The following CDK8 variants were observed in gnomAD, a reference collection of about 807,000 sequenced individuals.
CDK8 encodes the protein cyclin-dependent kinase 8.
A neutral mutation model predicts 71.5 loss-of-function variants in CDK8; 29 were observed. The ratio of observed to expected loss-of-function variants is 0.41; its 90% confidence interval spans 0.30 to 0.55. CDK8 has a LOEUF of 0.55. Among genes scored for constraint, CDK8 ranks in the 20% least tolerant of loss-of-function variants. The pLI is 0.37. For missense variants in CDK8, 288 were observed against 572.6 expected (o/e 0.50, Z 5.07); for synonymous variants, 161 against 192.1 (o/e 0.84, Z 1.34).
chr13:26,282,902 A>T (rs543824801), intron 1 of CDK8, among the ~76,000 whole-genome samples: 1 of 152,328 alleles, frequency 6.6e-6, no homozygotes, highest in Admixed American at 6.5e-5. Flanking sequence ...GCCAAAAGCA[A>T]GCAGGAATAG....
chr13:26,366,662 C>T (rs1874403139), intron 4 of CDK8, among the ~76,000 whole-genome samples: 1 of 152,022 alleles, frequency 6.6e-6, no homozygotes, highest in African/African-American at 2.4e-5. Flanking sequence ...CTCTCTGTTC[C>T]CAAATAGATG....
intron 4 of CDK8, among the ~76,000 whole-genome samples, chr13:26,355,721 G>C (rs1271876029): frequency 2.0e-5 from 3 of 152,164 alleles, no homozygotes; most frequent in African/African-American, 7.2e-5. Context: ...GTGGAGTCAA[G>C]TTAGGGAAAA....
intron 2 of CDK8, among the ~76,000 whole-genome samples, chr13:26,344,423 T>G (rs796297309): frequency 2.0e-4 from 31 of 152,292 alleles, no homozygotes; most frequent in African/African-American, 7.5e-4. Flanking sequence ...GTCAGGATCA[T>G]GAATATCATT....
intron 2 of CDK8, among the ~76,000 whole-genome samples, chr13:26,344,673 A>G (rs1289313500): frequency 6.6e-6 from 1 of 152,032 alleles, no homozygotes; most frequent in Non-Finnish European, 1.5e-5. Context: ...AATTGCTTGA[A>G]TCTGGGAGAT....
chr13:26,391,440 C>T (rs1231737976), intron 6 of CDK8, among the ~76,000 whole-genome samples: 1 of 152,210 alleles, frequency 6.6e-6, no homozygotes, highest in Non-Finnish European at 1.5e-5. Context: ...AGCTAAACTA[C>T]TTACCTTTCA....
Position 26,254,500 on chromosome 13 carries a change from G to A in CDK8, c.-142G>A. On this transcript the variant is annotated 5_prime_UTR_variant, in exon 1 of 13. Transcript: ENST00000381527. The surrounding 1 kb of genome is among the most constrained non-coding windows in gnomAD (Gnocchi z 6.7). Reference sequence around the variant, plus strand: ...TTTCGCGGGGCCTCCTCCTGCTCTTGCCGCATCAGTCGGGCTGGTGCTGCG... The same window carrying A: ...TTTCGCGGGGCCTCCTCCTGCTCTTACCGCATCAGTCGGGCTGGTGCTGCG... 1.6e-6 allele frequency: 1 copy of A among 641,798 alleles called. No homozygotes were observed. The highest frequency in any genetic ancestry group is 2.0e-5 in the South Asian group (1 of 50,532). The allele number at this position is 641,798 out of a possible 1,614,324, so 39.8% of individuals were successfully genotyped here.
At chr13:26,319,560 G>A (rs561818973) in intron 1 of CDK8, among the ~76,000 whole-genome samples, 2 of 152,080 alleles carry the variant, frequency 1.3e-5, no homozygotes, top group South Asian at 4.2e-4. Context: ...GAAAGAAACT[G>A]AAGACATAAG....
intron 1 of CDK8, among the ~76,000 whole-genome samples, chr13:26,281,839 T>G (rs1416119570): frequency 6.6e-6 from 1 of 151,982 alleles, no homozygotes. Flanking sequence ...AAATAAATAT[T>G]GTATTCCAGA....
intron 4 of CDK8, among the ~76,000 whole-genome samples, chr13:26,370,177 AAC>A (rs1874599119): frequency 6.6e-6 from 1 of 152,244 alleles, no homozygotes; most frequent in Admixed American, 6.5e-5. Context: ...AAGAAAGCAT[AAC>A]ACTGACATAG....
intron 1 of CDK8, among the ~76,000 whole-genome samples, chr13:26,288,094 C>T (rs1873109700): frequency 6.6e-6 from 1 of 152,096 alleles, no homozygotes; most frequent in East Asian, 1.9e-4. Flanking sequence ...TCCCGAGTAG[C>T]TGGGACTATA....
intron 3 of CDK8, among the ~76,000 whole-genome samples, chr13:26,349,429 A>G (rs1873596272): frequency 6.6e-6 from 1 of 152,242 alleles, no homozygotes. Flanking sequence ...TTCAACAACT[A>G]TTCAATATTG....
chr13:26,268,307 A>ACACACACACG (rs1872133809), intron 1 of CDK8, among the ~76,000 whole-genome samples: 1 of 97,848 alleles, frequency 1.0e-5, no homozygotes, highest in African/African-American at 3.3e-5. Flanking sequence ...ACACACACAC[A>ACACACACACG]CAGTCCTGTG....
intron 1 of CDK8, among the ~76,000 whole-genome samples, chr13:26,315,850 G>A (rs1874485530): frequency 6.6e-6 from 1 of 152,176 alleles, no homozygotes; most frequent in Admixed American, 6.5e-5. Context: ...GAAGCACCAG[G>A]AACTTGTCTC....
intron 1 of CDK8, among the ~76,000 whole-genome samples, chr13:26,321,763 A>G (rs925729977): frequency 5.3e-5 from 8 of 151,988 alleles, no homozygotes; most frequent in Non-Finnish European, 1.0e-4. Context: ...ATACATGTAT[A>G]TCTTTATGTA....
chr13:26,309,674 C>T (rs1040534121), intron 1 of CDK8, among the ~76,000 whole-genome samples: 4 of 152,080 alleles, frequency 2.6e-5, no homozygotes, highest in Admixed American at 2.6e-4. Flanking sequence ...ATTCTAGGCT[C>T]GAGATACCCT....
chr13:26,355,670 T>C (rs576782027), intron 4 of CDK8, among the ~76,000 whole-genome samples: 1 of 152,206 alleles, frequency 6.6e-6, no homozygotes, highest in East Asian at 1.9e-4. Flanking sequence ...GACAAATCCT[T>C]TGGCATTTTG....
intron 1 of CDK8, among the ~76,000 whole-genome samples, chr13:26,262,152 A>T (rs1285046679): frequency 6.6e-6 from 1 of 152,234 alleles, no homozygotes; most frequent in Non-Finnish European, 1.5e-5. Context: ...CTAACTACGT[A>T]TCTTAACATA....
chr13:26,312,185 C>T (rs1246868083), intron 1 of CDK8, among the ~76,000 whole-genome samples: 1 of 152,160 alleles, frequency 6.6e-6, no homozygotes, highest in East Asian at 1.9e-4. Flanking sequence ...CGCTCTGTGT[C>T]TAGCTAAAGG....
At position 26,343,991 on chromosome 13, in the gene CDK8, A is replaced by G. The variant is rs148832823; in HGVS notation, c.205-5081A>G. On this transcript the variant is annotated intron_variant, in intron 2 of 12. Transcript: ENST00000381527. Reference sequence around the variant, plus strand: ...TGAGGTTTGGTGTGGGAATGATCTCATCACCCAGATAAGGAGCATAGTTAC... The same window carrying G: ...TGAGGTTTGGTGTGGGAATGATCTCGTCACCCAGATAAGGAGCATAGTTAC... Among the ~76,000 whole-genome samples the G allele has an allele frequency of 9.4e-3, 1,430 of 152,108 alleles. 16 individuals are homozygous for G. The highest frequency in any genetic ancestry group is 0.015 in the Non-Finnish European group (999 of 67,988).
Sources: gnomAD v4.1 joint callset for allele counts (sites outside exome capture counted in the v4.1 genomes callset) on GRCh38, gnomAD v4.1.1 for gene constraint, Gnocchi (gnomAD v3.1) non-coding constraint, MANE v1.5 for transcripts, NCBI Gene and HGNC (gene_info 2026-07-23, HGNC 2026-07-21) for gene names.